The following PCDHGA3 variants were observed in gnomAD, a reference collection of about 807,000 sequenced individuals.
PCDHGA3 encodes protocadherin gamma subfamily A, 3.
PCDHGA3 carries 40 observed loss-of-function variants against 58.5 expected under a neutral mutation model. That is an observed-to-expected ratio of 0.68 (90% CI 0.53 to 0.89). The LOEUF (loss-of-function observed/expected upper bound fraction) is 0.89, where lower values mean the gene tolerates loss of function less well. Among genes scored for constraint, PCDHGA3 ranks in the 40% least tolerant of loss-of-function variants. The probability of loss-of-function intolerance (pLI) is 0.00; values close to 1 mark genes in which losing one functional copy is unlikely to be tolerated. For missense variants in PCDHGA3, 1,223 were observed against 1,195.9 expected (o/e 1.02, Z -0.33); for synonymous variants, 530 against 525.7 (o/e 1.01, Z -0.11).
Position 141,506,991 on chromosome 5 carries a change from C to T in PCDHGA3, c.2572+1510C>T, listed in dbSNP as rs190455068. 3 of 152,366 alleles carry T rather than the reference C, an allele frequency of 2.0e-5. No homozygotes were observed. In the East Asian group the frequency reaches 5.8e-4, roughly 29 times the overall value. The allele number at this position is 152,366 out of a possible 1,614,324, so 9.4% of individuals were successfully genotyped here. A position where few individuals can be genotyped will look rare whatever the true frequency, so the allele number is the denominator to read the frequency against. The stretch of plus-strand genomic sequence containing the variant: ...TGCAAGGCAGGTCTGATTTCTCACA[C>T]TCGACAGATGAGAGAACCGAGAAGG... On this transcript the variant is annotated intron_variant, in intron 3 of 3. Coordinates refer to ENST00000253812, the MANE Select transcript of PCDHGA3 (RefSeq NM_018916.4).
chr5:141,427,398 A>T (rs1040184910), intron 1 of PCDHGA3: 8 of 460,774 alleles, frequency 1.7e-5, no homozygotes, highest in Non-Finnish European at 3.5e-5. Context: ...AACACATGAT[A>T]AAGATTCGAG....
chr5:141,400,005 T>A, intron 1 of PCDHGA3: 1 of 1,612,520 alleles, frequency 6.2e-7, no homozygotes, highest in Non-Finnish European at 8.5e-7. Context: ...GCACAGCGCG[T>A]GCCTTGGGCG....
At chr5:141,455,160 G>T (rs6875366) in intron 1 of PCDHGA3, among the ~76,000 whole-genome samples, 16,301 of 149,190 alleles carry the variant, frequency 0.11, 1,328 homozygotes, top group African/African-American at 0.23. Context: ...TAGTTTGTTG[G>T]TTTTTTTTTT....
At chr5:141,389,032 A>C in intron 1 of PCDHGA3, 1 of 1,613,974 alleles carries the variant, frequency 6.2e-7, no homozygotes, top group Non-Finnish European at 8.5e-7. Flanking sequence ...GTGACTTGTA[A>C]ATTGGAAGGT....
intron 1 of PCDHGA3, chr5:141,371,215 A>G: frequency 1.9e-6 from 3 of 1,614,052 alleles, no homozygotes; most frequent in East Asian, 2.2e-5. Flanking sequence ...GAGGGCATCA[A>G]TGCCGAAATC....
chr5:141,365,658 C>T, intron 1 of PCDHGA3: 1 of 1,613,440 alleles, frequency 6.2e-7, no homozygotes, highest in Non-Finnish European at 8.5e-7. Context: ...TTGAAAGTAG[C>T]AGACGTTAAT....
rs771450412 is a variant in PCDHGA3, at chr5:141,374,978, G to C, written c.2424+28521G>C. The C allele has an allele frequency of 2.2e-5, 35 of 1,613,984 alleles. No homozygotes were observed. The highest frequency in any genetic ancestry group is 2.9e-5 in the Non-Finnish European group (34 of 1,179,904). On this transcript the variant is annotated intron_variant, in intron 1 of 3. Coordinates refer to ENST00000253812, the MANE Select transcript of PCDHGA3 (RefSeq NM_018916.4). The stretch of plus-strand genomic sequence containing the variant: ...AATTTTCTGTTTGAATGTTTTGACT[G>C]GAGAAATTTCAACTTCTGCAAATCT...
chr5:141,351,650 G>A, intron 1 of PCDHGA3: 2 of 1,613,996 alleles, frequency 1.2e-6, no homozygotes, highest in Non-Finnish European at 1.7e-6. Context: ...CAACCCACCT[G>A]GCGCCTCCAT....
intron 1 of PCDHGA3, chr5:141,350,935 C>G: frequency 6.2e-7 from 1 of 1,614,104 alleles, no homozygotes; most frequent in East Asian, 2.2e-5. Context: ...CCACCCATAT[C>G]TGGATCCGAG....
rs2099696598 is a variant in PCDHGA3, at chr5:141,490,144, A to C, written c.2425-4663A>C. The C allele has an allele frequency of 2.5e-6, 4 of 1,614,214 alleles. No homozygotes were observed. In the East Asian group the frequency reaches 6.7e-5, roughly 27 times the overall value. ...TGGCCTAGACCCTAGCAGTGGGGCA[A>C]TCCATGTGTTGGGTCCCATAGACTT... On this transcript the variant is annotated intron_variant, in intron 1 of 3. Transcript: ENST00000253812. The surrounding 1 kb of genome is among the most constrained non-coding windows in gnomAD (Gnocchi z 5.4).
chr5:141,369,377 GT>G (rs1049592188), intron 1 of PCDHGA3, among the ~76,000 whole-genome samples: 53 of 152,270 alleles, frequency 3.5e-4, no homozygotes, highest in African/African-American at 1.3e-3. Flanking sequence ...CTTTGTAAAA[GT>G]TTTTCATTTG....
intron 1 of PCDHGA3, chr5:141,395,373 G>C: frequency 8.4e-7 from 1 of 1,189,414 alleles, no homozygotes; most frequent in Non-Finnish European, 1.1e-6. Context: ...TATTTTGGTG[G>C]TGTTACTATA....
At chr5:141,374,081 G>A (rs1588729709) in intron 1 of PCDHGA3, 1 of 1,524,542 alleles carries the variant, frequency 6.6e-7, no homozygotes. Flanking sequence ...TAATAAGCCA[G>A]TAATGGCGCC....
Position 141,415,740 on chromosome 5 carries a change from GTTTTTTTTTTTTTTTTTTT to G in PCDHGA3, c.2424+69297_2424+69315del, listed in dbSNP as rs57426385. ...TGAGTAGAATTTGATGTTTATTAAG[GTTTTTTTTTTTTTTTTTTT>G]TTTTTTTTTTTTTACTTTCTGGTAA... is the stretch of plus-strand genomic sequence containing the variant. On this transcript the variant is annotated intron_variant, in intron 1 of 3. Coordinates refer to ENST00000253812, the MANE Select transcript of PCDHGA3 (RefSeq NM_018916.4). The G allele has an allele frequency of 6.7e-5, 42 of 625,046 alleles. No individual in the cohort carries two copies. In the African/African-American group the frequency reaches 7.3e-4, roughly 11 times the overall value. 38.7% of individuals were successfully genotyped at this position (625,046 alleles called of 1,614,324 possible).
chr5:141,509,081 A>C (rs1279221589), intron 3 of PCDHGA3, among the ~76,000 whole-genome samples: 2 of 152,160 alleles, frequency 1.3e-5, no homozygotes, highest in Non-Finnish European at 2.9e-5. Flanking sequence ...GATTTGCGAC[A>C]TGAAATGGGG....
rs978615543 is a variant in PCDHGA3, at chr5:141,362,706, T to A, written c.2424+16249T>A. On this transcript the variant is annotated intron_variant, in intron 1 of 3. Transcript: ENST00000253812. ...TAATCTTATCTAACTGAATTTTAAG[T>A]GTTTTCTCTCTGAAGTGTGAGATTT... The A allele has an allele frequency of 3.0e-6, 3 of 988,590 alleles. No individual in the cohort carries two copies. The African/African-American group carries it at 4.9e-5, about 16-fold the overall frequency. 61.2% of individuals were successfully genotyped at this position (988,590 alleles called of 1,614,324 possible).
chr5:141,426,363 C>T (rs994657779), intron 1 of PCDHGA3: 12 of 202,404 alleles, frequency 5.9e-5, no homozygotes, highest in East Asian at 4.4e-4. Context: ...CTTTGTTCTG[C>T]GGGGCACCCT....
chr5:141,421,927 C>T (rs1179128418), intron 1 of PCDHGA3: 2 of 1,613,396 alleles, frequency 1.2e-6, no homozygotes, highest in African/African-American at 2.7e-5. Flanking sequence ...TGTGGTGGTC[C>T]TCGATGTAAA....
At chr5:141,398,555 G>A in intron 1 of PCDHGA3, 1 of 1,613,934 alleles carries the variant, frequency 6.2e-7, no homozygotes, top group Non-Finnish European at 8.5e-7. Context: ...CTGCAAATAA[G>A]TGAGTCTGCA....
Sources: allele counts gnomAD v4.1 joint callset (sites outside exome capture counted in the v4.1 genomes callset), GRCh38; gene constraint gnomAD v4.1.1; non-coding constraint Gnocchi (gnomAD v3.1); transcripts MANE v1.5; gene names NCBI Gene and HGNC (gene_info 2026-07-23, HGNC 2026-07-21).